Variants in CLEC1A observed in about 807,000 individuals in gnomAD.
CLEC1A encodes the protein C-type lectin domain family 1 member A.
In CLEC1A, 34 loss-of-function variants were observed where a neutral mutation model predicts 28.7. The ratio of observed to expected loss-of-function variants is 1.18; its 90% CI spans 0.90 to 1.57. CLEC1A has a LOEUF of 1.57. CLEC1A is among the 40% of genes most tolerant of loss of function. The pLI is 0.00. For synonymous variants in CLEC1A, 116 were observed against 121.0 expected (o/e 0.96, Z 0.27); for missense variants, 385 against 339.5 (o/e 1.13, Z -1.05).
chr12:10,079,851 A>C (rs1866330551), intron 3 of CLEC1A, among the ~76,000 whole-genome samples: 1 of 152,048 alleles, frequency 6.6e-6, no homozygotes, highest in African/African-American at 2.4e-5. Flanking sequence ...AGTAAAAATA[A>C]AAATAAAAAT....
At chr12:10,098,242 A>G (rs1042118653) in intron 1 of CLEC1A, among the ~76,000 whole-genome samples, 7 of 152,216 alleles carry the variant, frequency 4.6e-5, no homozygotes, top group Non-Finnish European at 1.0e-4. Flanking sequence ...AGTCTATATC[A>G]GATCAGACAG....
At chr12:10,071,648 G>T in intron 5 of CLEC1A, 135 bp from the exon 6 acceptor site, 1 of 668,454 alleles carries the variant, frequency 1.5e-6, no homozygotes, top group Non-Finnish European at 2.3e-6. Context: ...GGGGTCATGT[G>T]CCTCTTTCTC....
intron 1 of CLEC1A, among the ~76,000 whole-genome samples, chr12:10,094,234 GA>G (rs1395162964): frequency 2.0e-5 from 3 of 151,948 alleles, no homozygotes; most frequent in Non-Finnish European, 2.9e-5. Flanking sequence ...GAGTTACTGA[GA>G]AAAATGTCTT....
At chr12:10,083,261 T>C (rs1866407679) in intron 2 of CLEC1A, among the ~76,000 whole-genome samples, 1 of 152,026 alleles carries the variant, frequency 6.6e-6, no homozygotes, top group African/African-American at 2.4e-5. Context: ...TAGACCCAAA[T>C]GACAAGGAAA....
In CLEC1A at chr12:10,098,893, G is replaced by A. The variant is rs756553441; in HGVS notation, c.30C>T (p.Asp10=). 1.9e-6 allele frequency: 3 copies of A among 1,613,540 alleles called. No individual in the cohort carries two copies. The highest frequency in any genetic ancestry group is 2.7e-5 in the African/African-American group (2 of 75,048). The change falls in exon 1 of 6, where the codon GAC becomes GAT. Residue 10 remains aspartate (D), a synonymous_variant. Transcript: ENST00000315330. MQAKYSSTR[D]MLDDDGDTTM... is the part of the protein sequence containing the mutation. Reference sequence around the variant, plus strand: ...TGGTGTCCCCATCATCATCCAGCATGTCCCTCGTGCTGCTGTACTTGGCCT... The same window carrying A: ...TGGTGTCCCCATCATCATCCAGCATATCCCTCGTGCTGCTGTACTTGGCCT...
chr12:10,090,094 G>A (rs1293597540), intron 1 of CLEC1A, among the ~76,000 whole-genome samples: 5 of 152,080 alleles, frequency 3.3e-5, no homozygotes, highest in Non-Finnish European at 7.4e-5. Flanking sequence ...CTAGCACTGT[G>A]ATAAAAATGA....
intron 1 of CLEC1A, 22 bp downstream of exon 1, chr12:10,098,786 T>C (rs3816845): frequency 0.82 from 1,249,000 of 1,530,044 alleles, 524,891 homozygotes; most frequent in Non-Finnish European, 0.88. Context: ...GTGGTCTATT[T>C]GGACTCCAGG....
In CLEC1A at chr12:10,075,619, C is replaced by T. The variant is rs200431908; in HGVS notation, c.428G>A (p.Trp143Ter). 8.1e-6 allele frequency: 13 copies of T among 1,613,932 alleles called. No homozygotes were observed. Among genetic ancestry groups the T allele is most frequent in the Non-Finnish European group, 1.1e-5 (13 of 1,179,958 alleles). ...GAACTGGTAGCAATTGTCTCCATGC[C>T]ATTTCCATTGTTCTGTACAAGGGCT... ...RCSPCTEQWK[W>*]HGDNCYQFYK... Residue 143 changes from tryptophan (W) to a stop codon, truncating the protein, a stop_gained, in exon 4 of 6, where the codon TGG becomes TAG. Coordinates refer to ENST00000315330, the MANE Select transcript of CLEC1A (RefSeq NM_016511.4). LOFTEE classifies it high-confidence loss of function.
intron 1 of CLEC1A, among the ~76,000 whole-genome samples, chr12:10,092,822 A>C (rs1464875182): frequency 6.6e-6 from 1 of 152,168 alleles, no homozygotes; most frequent in Non-Finnish European, 1.5e-5. Context: ...GGCTTTAAAA[A>C]GTTTTTAAAA....
chr12:10,096,431 T>C (rs12372577), intron 1 of CLEC1A, among the ~76,000 whole-genome samples: 114,843 of 152,078 alleles, frequency 0.76, 45,118 homozygotes, highest in Non-Finnish European at 0.88. Flanking sequence ...AGTTCAGGTT[T>C]TTCTACCCTT....
chr12:10,081,653 G>A (rs888088200), intron 2 of CLEC1A, among the ~76,000 whole-genome samples: 4 of 147,648 alleles, frequency 2.7e-5, no homozygotes, highest in Admixed American at 6.8e-5. Flanking sequence ...CGGCTAAGAG[G>A]GCTAAGATAG....
chr12:10,087,416 T>C (rs889951133), intron 2 of CLEC1A, among the ~76,000 whole-genome samples: 3 of 141,874 alleles, frequency 2.1e-5, no homozygotes, highest in Non-Finnish European at 4.5e-5. Context: ...AAATCCAGCA[T>C]TCCTTTATGA....
intron 3 of CLEC1A, among the ~76,000 whole-genome samples, chr12:10,078,335 G>C (rs1207602657): frequency 1.3e-5 from 2 of 152,144 alleles, no homozygotes; most frequent in East Asian, 3.8e-4. Flanking sequence ...CCAACCGCAT[G>C]AGCTCCTCAT....
At chr12:10,092,411 G>A (rs1206117859) in intron 1 of CLEC1A, 2 of 383,152 alleles carry the variant, frequency 5.2e-6, no homozygotes, top group Non-Finnish European at 1.0e-5. Context: ...ATCAGCCATG[G>A]TGGCACACAC....
chr12:10,078,547 T>C (rs1866300438), intron 3 of CLEC1A, among the ~76,000 whole-genome samples: 1 of 152,226 alleles, frequency 6.6e-6, no homozygotes, highest in South Asian at 2.1e-4. Context: ...CTTATCCCTC[T>C]TGCCTTGTTT....
intron 4 of CLEC1A, among the ~76,000 whole-genome samples, chr12:10,074,117 C>G (rs935232208): frequency 6.6e-6 from 1 of 152,096 alleles, no homozygotes; most frequent in Non-Finnish European, 1.5e-5. Flanking sequence ...TGCAGTGGCA[C>G]GATCATAGCT....
At chr12:10,074,053 A>T (rs978939982) in intron 4 of CLEC1A, among the ~76,000 whole-genome samples, 1 of 152,110 alleles carries the variant, frequency 6.6e-6, no homozygotes, top group South Asian at 2.1e-4. Context: ...CTCCTAATAG[A>T]TATTTTTGGA....
chr12:10,090,868 T>C (rs1182415501), intron 1 of CLEC1A, among the ~76,000 whole-genome samples: 2 of 152,154 alleles, frequency 1.3e-5, no homozygotes, highest in Non-Finnish European at 2.9e-5. Context: ...ACTTAAAAAC[T>C]TCAAAAGCTT....
chr12:10,094,759 G>A (rs4764247), intron 1 of CLEC1A, among the ~76,000 whole-genome samples: 114,842 of 152,040 alleles, frequency 0.76, 45,116 homozygotes, highest in Non-Finnish European at 0.88. Context: ...TGTCCACTCT[G>A]CCAGCAAGAT....
Sources: allele counts gnomAD v4.1 joint callset (sites outside exome capture counted in the v4.1 genomes callset), GRCh38; gene constraint gnomAD v4.1.1; transcripts MANE v1.5; gene names NCBI Gene and HGNC (gene_info 2026-07-23, HGNC 2026-07-21).